The following CD109 variants were observed in gnomAD, a reference collection of about 807,000 sequenced individuals.
The protein encoded by CD109 is CD109 molecule.
Under a neutral mutation model 165.8 loss-of-function variants are expected in CD109, and 149 were observed. The observed-to-expected ratio is 0.90, with a 90% CI of 0.79 to 1.03. The LOEUF (loss-of-function observed/expected upper bound fraction) is 1.03, where lower values mean the gene tolerates loss of function less well. Ranked by LOEUF, CD109 falls within the 50% of genes least tolerant of loss-of-function variation. The pLI is 0.00. For missense variants in CD109, 1,712 were observed against 1,677.8 expected (o/e 1.02, Z -0.36); for synonymous variants, 585 against 592.1 (o/e 0.99, Z 0.18).
intron 5 of CD109, among the ~76,000 whole-genome samples, chr6:73,746,241 G>A (rs1772980323): frequency 6.6e-6 from 1 of 152,204 alleles, no homozygotes; most frequent in Admixed American, 6.5e-5. Flanking sequence ...GTGGCATAGA[G>A]GGAGTTTTGG....
At chr6:73,754,854 C>T (rs1200184672) in intron 5 of CD109, among the ~76,000 whole-genome samples, 1 of 152,184 alleles carries the variant, frequency 6.6e-6, no homozygotes, top group Non-Finnish European at 1.5e-5. Context: ...CATGAAACCC[C>T]AGGACACTGT....
chr6:73,791,458 C>A (rs1307687901), intron 22 of CD109, among the ~76,000 whole-genome samples: 1 of 151,510 alleles, frequency 6.6e-6, no homozygotes, highest in African/African-American at 2.4e-5. Context: ...ATGCACTACA[C>A]ATACATACAC....
intron 2 of CD109, among the ~76,000 whole-genome samples, chr6:73,718,900 A>G (rs1582055667): frequency 6.6e-6 from 1 of 152,168 alleles, no homozygotes; most frequent in South Asian, 2.1e-4. Context: ...CTAAACACAA[A>G]TTTAAGTCTT....
chr6:73,780,288 C>T (rs1210738834), intron 15 of CD109, 136 bp from the exon 16 acceptor site: 5 of 706,912 alleles, frequency 7.1e-6, no homozygotes, highest in Non-Finnish European at 1.0e-5. Context: ...AAAGCAATTA[C>T]ATATTCATTA....
intron 5 of CD109, among the ~76,000 whole-genome samples, chr6:73,755,988 C>T (rs537114127): frequency 1.3e-5 from 2 of 151,496 alleles, no homozygotes; most frequent in East Asian, 3.9e-4. Flanking sequence ...ACAAAAGCAA[C>T]AAAAAAAGGA....
chr6:73,803,168 A>G, intron 23 of CD109, 52 bp from the exon 24 acceptor site: 2 of 1,235,128 alleles, frequency 1.6e-6, no homozygotes, highest in Non-Finnish European at 2.4e-6. Context: ...AGAAACTTTC[A>G]TCCATTGCAA....
intron 5 of CD109, among the ~76,000 whole-genome samples, chr6:73,746,231 G>T (rs1044499773): frequency 2.6e-5 from 4 of 152,182 alleles, no homozygotes; most frequent in African/African-American, 4.8e-5. Flanking sequence ...TTTATTTTCA[G>T]TGGCATAGAG....
intron 23 of CD109, among the ~76,000 whole-genome samples, 154 bp from the exon 24 acceptor site, chr6:73,803,066 C>T (rs948544579): frequency 6.6e-6 from 1 of 152,114 alleles, no homozygotes; most frequent in Non-Finnish European, 1.5e-5. Flanking sequence ...TTTCCAACAG[C>T]ACTTAAAATA....
intron 23 of CD109, among the ~76,000 whole-genome samples, chr6:73,802,283 G>GTATATATA (rs1562078255): frequency 2.1e-5 from 2 of 95,712 alleles, no homozygotes; most frequent in African/African-American, 4.2e-5. Flanking sequence ...GTGTGTGTGT[G>GTATATATA]TGTGTGTATA....
At chr6:73,704,131 G>A (rs1771176558) in intron 2 of CD109, among the ~76,000 whole-genome samples, 1 of 147,748 alleles carries the variant, frequency 6.8e-6, no homozygotes, top group Non-Finnish European at 1.5e-5. Flanking sequence ...GCTGCAGTGA[G>A]ATTGTACCAG....
intron 24 of CD109, 85 bp downstream of exon 24, chr6:73,803,386 T>A: frequency 4.4e-6 from 4 of 918,440 alleles, no homozygotes; most frequent in Non-Finnish European, 7.0e-6. Flanking sequence ...GACAGATATA[T>A]CTCTATATAT....
In CD109 at chr6:73,736,735, G is replaced by T. The variant is rs180823675; in HGVS notation, c.633+227G>T. ...CTGTTGTCTTTTTCTATGATATGAT[G>T]TTTAAAGGTTAAAACATTTTGACAT... On this transcript the variant is annotated intron_variant, in intron 5 of 32. Transcript: ENST00000287097. 7.9e-5 allele frequency among the ~76,000 whole-genome samples: 12 copies of T among 152,202 alleles called. No individual in the cohort carries two copies. The East Asian group carries it at 2.3e-3, about 29-fold the overall frequency.
chr6:73,803,562 ATACTT>A (rs1216116284), intron 24 of CD109, among the ~76,000 whole-genome samples: 3 of 151,950 alleles, frequency 2.0e-5, no homozygotes, highest in East Asian at 3.9e-4. Context: ...AGAAATAAAA[ATACTT>A]TATGATGATG....
At chr6:73,814,137 G>GT (rs1294391516) in intron 29 of CD109, among the ~76,000 whole-genome samples, 3 of 151,992 alleles carry the variant, frequency 2.0e-5, no homozygotes, top group Non-Finnish European at 4.4e-5. Flanking sequence ...TCCATGAGGG[G>GT]TATTAGATGT....
rs183425587 is a variant in CD109, at chr6:73,730,383, G to A, written c.316G>A (p.Val106Ile). 45 of 1,613,924 alleles carry A rather than the reference G, an allele frequency of 2.8e-5. No homozygotes were observed. Among genetic ancestry groups the A allele is most frequent in the African/African-American group, 4.0e-5 (3 of 75,024 alleles). The part of the protein sequence containing the change: ...NSADEIYELR[V>I]TGRTQDEILF... ...TGCAGATGAGATTTATGAGCTACGT[G>A]TAACCGGACGTACCCAGGATGAGAT... The change falls in exon 4 of 33, where the codon GTA becomes ATA. Residue 106 changes from valine (V) to isoleucine (I), a missense_variant. By Grantham distance (29) the Val-to-Ile change is conservative. Coordinates refer to ENST00000287097, the MANE Select transcript of CD109 (RefSeq NM_133493.5).
chr6:73,791,217 ATAT>A (rs1404423485), intron 22 of CD109, among the ~76,000 whole-genome samples: 1 of 120,698 alleles, frequency 8.3e-6, no homozygotes, highest in Non-Finnish European at 1.6e-5. Context: ...ATATATATAT[ATAT>A]AATTTTTTTT....
intron 22 of CD109, among the ~76,000 whole-genome samples, 161 bp downstream of exon 22, chr6:73,788,773 A>C (rs576175922): frequency 7.2e-5 from 11 of 152,340 alleles, no homozygotes; most frequent in African/African-American, 2.6e-4. Context: ...AGGCTAGCAA[A>C]TTATGTATCC....
At chr6:73,808,946 A>G (rs1013853221) in intron 26 of CD109, among the ~76,000 whole-genome samples, 1 of 151,144 alleles carries the variant, frequency 6.6e-6, no homozygotes, top group African/African-American at 2.5e-5. Flanking sequence ...AAGTGTTTAG[A>G]GGCTTCTGAG....
intron 10 of CD109, among the ~76,000 whole-genome samples, chr6:73,764,703 C>G (rs1773767831): frequency 6.6e-6 from 1 of 151,804 alleles, no homozygotes; most frequent in Non-Finnish European, 1.5e-5. Context: ...GTAATTCCAA[C>G]TACTCGGGAG....
Sources: gnomAD v4.1 joint callset for allele counts (sites outside exome capture counted in the v4.1 genomes callset) on GRCh38, gnomAD v4.1.1 for gene constraint, MANE v1.5 for transcripts, NCBI Gene and HGNC (gene_info 2026-07-23, HGNC 2026-07-21) for gene names.